NAV2: variants seen among roughly 807,000 people sequenced by gnomAD.
The protein encoded by NAV2 is helicase, APC down-regulated 1.
NAV2 carries 54 observed loss-of-function variants against 223.2 expected under a neutral mutation model. The observed-to-expected ratio is 0.24, with a 90% CI of 0.19 to 0.30. NAV2 has a LOEUF of 0.30. NAV2 is among the 10% of genes least tolerant of loss of function. The pLI is 1.00. For missense variants in NAV2, 2,806 were observed against 3,147.5 expected, an observed-to-expected ratio of 0.89 and a Z score of 2.60; for synonymous variants, 1,279 against 1,239.3, an observed-to-expected ratio of 1.03 and a Z score of -0.67.
At chr11:20,047,049 A>G (rs878939832) in intron 14 of NAV2, among the ~76,000 whole-genome samples, 11 of 152,266 alleles carry the variant, frequency 7.2e-5, no homozygotes, top group Admixed American at 7.2e-4. Context: ...AGACTTGATT[A>G]TTAGAATTTC....
chr11:20,065,534 A>G (rs921370696), intron 20 of NAV2, among the ~76,000 whole-genome samples: 1 of 152,240 alleles, frequency 6.6e-6, no homozygotes, highest in African/African-American at 2.4e-5. Flanking sequence ...TTGGTAGGGA[A>G]CACTGGAGTT....
intron 6 of NAV2, among the ~76,000 whole-genome samples, chr11:19,899,308 C>T (rs758281545): frequency 6.6e-6 from 1 of 152,188 alleles, no homozygotes; most frequent in Non-Finnish European, 1.5e-5. Flanking sequence ...TTTAGAATCT[C>T]TATAAACATG....
rs368057530 is a variant in NAV2, at chr11:20,103,649, G to A, written c.6573-4G>A. On this transcript the variant is annotated splice_polypyrimidine_tract_variant and splice_region_variant and intron_variant, in intron 33 of 37. Transcript: ENST00000349880. ...AGCTTTCTTTTCCTTTATTTTATCCGCAGCCCTTACATAATTGGCACAATG... is the reference window on the plus strand; with the variant it reads ...AGCTTTCTTTTCCTTTATTTTATCCACAGCCCTTACATAATTGGCACAATG... 56 of 1,613,536 alleles carry A rather than the reference G, an allele frequency of 3.5e-5. No homozygotes were observed. Among genetic ancestry groups the A allele is most frequent in the African/African-American group, 2.3e-4 (17 of 74,880 alleles).
chr11:19,533,197 G>C (rs976758952), intron 1 of NAV2, among the ~76,000 whole-genome samples: 2 of 150,622 alleles, frequency 1.3e-5, no homozygotes, highest in Non-Finnish European at 3.0e-5. Context: ...AGTGTAGACC[G>C]GGGTTTCTTA....
chr11:19,732,244 G>A (rs1443988506), intron 1 of NAV2, among the ~76,000 whole-genome samples: 1 of 150,146 alleles, frequency 6.7e-6, no homozygotes, highest in Non-Finnish European at 1.5e-5. Flanking sequence ...GGGTGACAGA[G>A]TGAGACTCCG....
intron 6 of NAV2, among the ~76,000 whole-genome samples, chr11:19,899,751 T>G (rs1460320500): frequency 3.9e-5 from 6 of 152,184 alleles, no homozygotes; most frequent in African/African-American, 1.2e-4. Flanking sequence ...TTGTATTGAT[T>G]TCCATTTCAA....
At chr11:19,719,950 C>T (rs1039793529) in intron 1 of NAV2, among the ~76,000 whole-genome samples, 2 of 152,302 alleles carry the variant, frequency 1.3e-5, no homozygotes, top group Admixed American at 6.5e-5. Flanking sequence ...TGAGTGGAGC[C>T]GGCCAATCTG....
intron 1 of NAV2, among the ~76,000 whole-genome samples, chr11:19,495,796 A>C (rs1025500565): frequency 8.5e-5 from 13 of 152,168 alleles, no homozygotes; most frequent in Admixed American, 2.6e-4. Flanking sequence ...CTTGTAGAAA[A>C]AAATAAATCA....
chr11:19,787,913 A>T (rs775180491), intron 1 of NAV2, among the ~76,000 whole-genome samples: 2 of 152,216 alleles, frequency 1.3e-5, no homozygotes, highest in Admixed American at 1.3e-4. Context: ...ATGAGTAGCT[A>T]GCTTTTCCTG....
At position 19,631,103 on chromosome 11, in the gene NAV2, C is replaced by A. The variant is rs886168398; in HGVS notation, c.76-201381C>A. Among the ~76,000 whole-genome samples the A allele has an allele frequency of 1.4e-3, 162 of 118,994 alleles. 1 individual carries two copies. Among genetic ancestry groups the A allele is most frequent in the African/African-American group, 4.6e-3 (147 of 31,730 alleles). The allele number at this position is 118,994 out of a possible 152,430, so 78.1% of individuals were successfully genotyped here. A position where few individuals can be genotyped will look rare whatever the true frequency, so the allele number is the denominator to read the frequency against. On this transcript the variant is annotated intron_variant, in intron 1 of 37. Coordinates refer to the NAV2 transcript ENST00000360655. ...CCATGGCCCTTTCTTTTTTTTTTTTCTTTTATTTTATTATTACTATACTTT... is the reference window on the plus strand; with the variant it reads ...CCATGGCCCTTTCTTTTTTTTTTTTATTTTATTTTATTATTACTATACTTT...
intron 19 of NAV2, 148 bp downstream of exon 19, chr11:20,056,105 CAG>C (rs2058348596): frequency 1.4e-6 from 1 of 715,130 alleles, no homozygotes; most frequent in African/African-American, 1.8e-5. Flanking sequence ...CTCTGGGGGT[CAG>C]GGGTGGGGAT....
At chr11:19,817,732 C>G (rs1390666239) in intron 1 of NAV2, among the ~76,000 whole-genome samples, 1 of 152,210 alleles carries the variant, frequency 6.6e-6, no homozygotes, top group Admixed American at 6.5e-5. Context: ...AGCTCATGCT[C>G]TACCCACTTG....
chr11:19,504,528 T>C (rs2043061834), intron 1 of NAV2: 1 of 152,198 alleles, frequency 6.6e-6, no homozygotes, highest in Admixed American at 6.5e-5. Flanking sequence ...AAGTCCAAAC[T>C]GAGTGACCAC....
chr11:20,020,272 T>C (rs1045610531), intron 11 of NAV2, among the ~76,000 whole-genome samples: 2 of 152,256 alleles, frequency 1.3e-5, no homozygotes, highest in Non-Finnish European at 2.9e-5. Context: ...CTTGGTTTTA[T>C]AGATGGCTCT....
rs984955531 is a variant in NAV2, at chr11:19,963,488, G to A, written c.2645+14408G>A. 1.1e-4 allele frequency among the ~76,000 whole-genome samples: 17 copies of A among 152,054 alleles called. 1 individual carries two copies. The highest frequency in any genetic ancestry group is 3.3e-4 in the Admixed American group (5 of 15,268). On this transcript the variant is annotated intron_variant, in intron 10 of 37. Coordinates refer to ENST00000349880, the MANE Select transcript of NAV2 (RefSeq NM_145117.5). ...GAAGAGTGTGCACCTTCTGAACATCGGAAGCCCTGGATACTCCCAGTGCCA... is the reference window on the plus strand; with the variant it reads ...GAAGAGTGTGCACCTTCTGAACATCAGAAGCCCTGGATACTCCCAGTGCCA...
At chr11:19,964,496 T>A (rs942144416) in intron 10 of NAV2, among the ~76,000 whole-genome samples, 2 of 151,928 alleles carry the variant, frequency 1.3e-5, no homozygotes, top group Non-Finnish European at 2.9e-5. Context: ...CATCCTCTTT[T>A]TTTTTTTTTT....
intron 1 of NAV2, among the ~76,000 whole-genome samples, chr11:19,663,881 T>C (rs2048348422): frequency 6.6e-6 from 1 of 152,216 alleles, no homozygotes; most frequent in Non-Finnish European, 1.5e-5. Flanking sequence ...TGTTTTCTGC[T>C]ATGGGGCAGG....
exon 1 of NAV2, chr11:19,350,976 C>T (rs1210471547): frequency 6.4e-7 from 1 of 1,551,650 alleles, no homozygotes; most frequent in South Asian, 1.2e-5. Context: ...CTGAGTCCAG[C>T]CAACAGCAGA....
intron 1 of NAV2, among the ~76,000 whole-genome samples, chr11:19,589,070 G>A (rs909936737): frequency 6.6e-6 from 1 of 152,190 alleles, no homozygotes; most frequent in Non-Finnish European, 1.5e-5. Context: ...CCTCTGTGCT[G>A]GTTCCTGGGT....
Sources: gnomAD v4.1 joint callset for allele counts (sites outside exome capture counted in the v4.1 genomes callset) on GRCh38, gnomAD v4.1.1 for gene constraint, MANE v1.5 for transcripts, NCBI Gene and HGNC (gene_info 2026-07-23, HGNC 2026-07-21) for gene names.